Variants in LEPROTL1 observed in about 807,000 individuals in gnomAD.
LEPROTL1 encodes leptin receptor overlapping transcript-like 1.
Under a neutral mutation model 15.4 loss-of-function variants are expected in LEPROTL1, and 6 were observed. That is an observed-to-expected ratio of 0.39 (90% CI 0.21 to 0.77). The LOEUF (loss-of-function observed/expected upper bound fraction) is 0.77. Ranked by LOEUF, LEPROTL1 falls within the 30% of genes least tolerant of loss-of-function variation. The probability of loss-of-function intolerance (pLI) is 0.41; values close to 1 mark genes in which losing one functional copy is unlikely to be tolerated. For missense variants in LEPROTL1, 128 were observed against 158.1 expected (o/e 0.81, Z 1.02); for synonymous variants, 56 against 52.6 (o/e 1.06, Z -0.28).
rs1803177913 is a variant in LEPROTL1 at position 30,137,636 on chromosome 8, C to G, written c.*324C>G. ...TTATAACTGAGACAGTGAAAGAAGT[C>G]TGACCTAACCAACTCCATCTTGCTT... is the stretch of plus-strand genomic sequence containing the variant. On this transcript the variant is annotated 3_prime_UTR_variant, in exon 5 of 5. Transcript: ENST00000442880. 1.5e-5 allele frequency: 10 copies of G among 685,036 alleles called. No homozygotes were observed. In the South Asian group the frequency reaches 1.9e-4, roughly 13 times the overall value. The allele number at this position is 685,036 out of a possible 1,614,324, so 42.4% of individuals were successfully genotyped here.
intron 4 of LEPROTL1, chr8:30,132,770 T>C: frequency 6.4e-7 from 1 of 1,551,704 alleles, no homozygotes; most frequent in Non-Finnish European, 8.7e-7. Context: ...GGCAGTGCCT[T>C]ACACACATGC....
downstream of LEPROTL1, among the ~76,000 whole-genome samples, chr8:30,113,257 CAG>C (rs1193041048): frequency 6.6e-6 from 1 of 151,960 alleles, no homozygotes; most frequent in Non-Finnish European, 1.5e-5. Context: ...GCCTGCAAAA[CAG>C]AGCAAGACTG....
chr8:30,095,573 G>T, intron 1 of LEPROTL1, 45 bp downstream of exon 1: 1 of 1,331,580 alleles, frequency 7.5e-7, no homozygotes, highest in South Asian at 1.8e-5. Context: ...GCCGGCGGGG[G>T]AAGATGGGCC....
In LEPROTL1 at chr8:30,104,468, A is replaced by G. The variant is rs764528034; in HGVS notation, c.261A>G (p.Val87=). The G allele has an allele frequency of 1.2e-6, 2 of 1,605,574 alleles. No homozygotes were observed. Among genetic ancestry groups the G allele is most frequent in the South Asian group, 2.3e-5 (2 of 88,880 alleles). The change falls in exon 3 of 4, where the codon GTA becomes GTG. Residue 87 remains valine, a synonymous_variant. Transcript: ENST00000321250. ...IVVSAFGLPI[V]FARAHLIEWG... is the part of the protein sequence containing the mutation. Reference sequence around the variant, plus strand: ...TGTCAGCTTTTGGACTCCCTATTGTATTTGCCAGAGCACATCTGGTAAGTG... The same window carrying G: ...TGTCAGCTTTTGGACTCCCTATTGTGTTTGCCAGAGCACATCTGGTAAGTG...
At chr8:30,096,312 G>A in intron 1 of LEPROTL1, 15 of 982,876 alleles carry the variant, frequency 1.5e-5, no homozygotes, top group Non-Finnish European at 1.8e-5. Flanking sequence ...CACCTGTTAG[G>A]TAGTTTTGTT....
chr8:30,117,482 A>G (rs1388072305), intron 3 of LEPROTL1: 1 of 1,471,812 alleles, frequency 6.8e-7, no homozygotes, highest in East Asian at 2.3e-5. Context: ...ATGAAACCAA[A>G]CTGAAGGGAT....
At chr8:30,111,734 T>C (rs998251274), downstream of LEPROTL1, among the ~76,000 whole-genome samples, 37 of 152,180 alleles carry the variant, frequency 2.4e-4, no homozygotes, top group African/African-American at 8.4e-4. Flanking sequence ...AAGGGAAAGA[T>C]TTGGGAGACA....
At chr8:30,130,780 AAT>A (rs1563219848) in intron 3 of LEPROTL1, among the ~76,000 whole-genome samples, 1 of 106,318 alleles carries the variant, frequency 9.4e-6, no homozygotes, top group Non-Finnish European at 2.1e-5. Flanking sequence ...TTCAAAAAAA[AAT>A]TTTTTTTTTT....
chr8:30,099,645 C>T (rs932358304), intron 1 of LEPROTL1, among the ~76,000 whole-genome samples: 1 of 147,502 alleles, frequency 6.8e-6, no homozygotes, highest in Non-Finnish European at 1.5e-5. Flanking sequence ...AAACACTTCA[C>T]TGGTTGAGCT....
chr8:30,137,940 A>T (rs1307314010), downstream of LEPROTL1: 1 of 209,534 alleles, frequency 4.8e-6, no homozygotes, highest in Non-Finnish European at 9.8e-6. Flanking sequence ...AGTGCTTGAG[A>T]TGTTTTGTAG....
intron 3 of LEPROTL1, among the ~76,000 whole-genome samples, chr8:30,120,409 A>G (rs1452750669): frequency 6.6e-6 from 1 of 152,212 alleles, no homozygotes; most frequent in Non-Finnish European, 1.5e-5. Context: ...GTTGTAAAAT[A>G]TAAAGAGGGC....
At chr8:30,109,380 A>G (rs1802621699), downstream of LEPROTL1, among the ~76,000 whole-genome samples, 1 of 152,258 alleles carries the variant, frequency 6.6e-6, no homozygotes, top group Non-Finnish European at 1.5e-5. Context: ...GGAAGAAAAC[A>G]TGTCCTGTAG....
Position 30,106,899 on chromosome 8 carries a change from G to A in LEPROTL1, c.*1037G>A. On this transcript the variant is annotated 3_prime_UTR_variant, in exon 4 of 4. Transcript: ENST00000321250. ...TTCAAATATAGTTTAATAACACTTA[G>A]AAGTGTTTACTTACCTGGAAAATAA... 1.0e-6 allele frequency: 1 copy of A among 977,606 alleles called. No individual in the cohort carries two copies. Among genetic ancestry groups the A allele is most frequent in the Non-Finnish European group, 1.2e-6 (1 of 822,566 alleles). The allele number at this position is 977,606 out of a possible 1,614,324, so 60.6% of individuals were successfully genotyped here.
intron 1 of LEPROTL1, among the ~76,000 whole-genome samples, chr8:30,100,700 T>C (rs908146132): frequency 6.6e-6 from 1 of 152,218 alleles, no homozygotes; most frequent in African/African-American, 2.4e-5. Flanking sequence ...CCGCCCGCCT[T>C]GGCCTCCCAA....
chr8:30,102,087 C>A, intron 2 of LEPROTL1, 114 bp downstream of exon 2: 1 of 603,408 alleles, frequency 1.7e-6, no homozygotes, highest in Non-Finnish European at 2.9e-6. Flanking sequence ...TGTTCACTTA[C>A]CAAACACATA....
rs115668400 is a variant in LEPROTL1, at chr8:30,125,894, G to A, written c.280-6481G>A. Among the ~76,000 whole-genome samples the A allele has an allele frequency of 2.3e-3, 345 of 152,194 alleles. 1 individual carries two copies. Among genetic ancestry groups the A allele is most frequent in the African/African-American group, 8.2e-3 (339 of 41,514 alleles). ...TCTATAATTTCCTTTGAAATGTTTC[G>A]GAAATAGATGCATTTAGACATTTGG... On this transcript the variant is annotated intron_variant, in intron 3 of 4. Coordinates refer to the LEPROTL1 transcript ENST00000442880.
At chr8:30,103,741 C>CAAGAAAA (rs1802509877) in intron 2 of LEPROTL1, among the ~76,000 whole-genome samples, 1 of 89,048 alleles carries the variant, frequency 1.1e-5, no homozygotes. Flanking sequence ...GACTCTGTCT[C>CAAGAAAA]AAAAAAAAAA....
intron 1 of LEPROTL1, among the ~76,000 whole-genome samples, chr8:30,097,746 G>A (rs7820102): frequency 0.03 from 4,555 of 149,654 alleles, 241 homozygotes; most frequent in African/African-American, 0.11. Context: ...ATTTAATGGA[G>A]TAGAAGTATT....
intron 4 of LEPROTL1, among the ~76,000 whole-genome samples, chr8:30,134,472 C>T (rs1220207870): frequency 1.3e-5 from 2 of 152,040 alleles, no homozygotes; most frequent in Non-Finnish European, 2.9e-5. Context: ...CTTCCTTTAC[C>T]TACCTGAAAA....
Sources: allele counts gnomAD v4.1 joint callset (sites outside exome capture counted in the v4.1 genomes callset), GRCh38; gene constraint gnomAD v4.1.1; transcripts MANE v1.5; gene names NCBI Gene and HGNC (gene_info 2026-07-23, HGNC 2026-07-21).